Variants in KCNK9 observed in about 807,000 individuals in gnomAD.
KCNK9 encodes potassium channel subfamily K member 9.
A neutral mutation model predicts 10.8 loss-of-function variants in KCNK9; 1 was observed. The ratio of observed to expected loss-of-function variants is 0.09; its 90% CI spans 0.03 to 0.44. The LOEUF (loss-of-function observed/expected upper bound fraction) is 0.44. Ranked by LOEUF, KCNK9 falls within the 20% of genes least tolerant of loss-of-function variation. The pLI, the probability that KCNK9 is intolerant of heterozygous loss-of-function variation, is 0.97. For missense variants in KCNK9, 303 were observed against 515.0 expected, an observed-to-expected ratio of 0.59 and a Z score of 3.98; for synonymous variants, 231 against 222.7, an observed-to-expected ratio of 1.04 and a Z score of -0.33.
chr8:139,663,648 C>CGTGTGTGTGTGTGT (rs34660685), intron 1 of KCNK9, among the ~76,000 whole-genome samples: 5,112 of 137,432 alleles, frequency 0.037, 114 homozygotes, highest in African/African-American at 0.07. Flanking sequence ...CGCGTGCGCA[C>CGTGTGTGTGTGTGT]GTGTGTGTGT....
At chr8:139,657,215 G>C (rs1816044912) in intron 1 of KCNK9, among the ~76,000 whole-genome samples, 1 of 152,194 alleles carries the variant, frequency 6.6e-6, no homozygotes, top group South Asian at 2.1e-4. Flanking sequence ...AAGCATTCTG[G>C]TGCCCCTAAC....
intron 1 of KCNK9, among the ~76,000 whole-genome samples, chr8:139,620,822 A>G (rs769615247): frequency 4.6e-5 from 7 of 152,232 alleles, no homozygotes; most frequent in Admixed American, 6.5e-5. Flanking sequence ...GGGTGGGGAA[A>G]CAGAGAAGCT....
intron 1 of KCNK9, among the ~76,000 whole-genome samples, chr8:139,640,842 G>A (rs1364668873): frequency 2.0e-5 from 3 of 152,212 alleles, no homozygotes; most frequent in East Asian, 3.8e-4. Context: ...CACGTTCTGC[G>A]GTTGCAGACG....
chr8:139,671,690 T>C (rs930204202), intron 1 of KCNK9, among the ~76,000 whole-genome samples: 1 of 151,980 alleles, frequency 6.6e-6, no homozygotes, highest in African/African-American at 2.4e-5. Context: ...GGCTAATTTT[T>C]TTGTATTTTC....
chr8:139,697,003 G>C (rs1271355380), intron 1 of KCNK9, among the ~76,000 whole-genome samples: 2 of 151,518 alleles, frequency 1.3e-5, no homozygotes, highest in East Asian at 3.9e-4. Context: ...ATGGGTGGAT[G>C]GGTGGACGGA....
intron 1 of KCNK9, among the ~76,000 whole-genome samples, chr8:139,684,911 G>A (rs1345793145): frequency 6.7e-6 from 1 of 149,796 alleles, no homozygotes; most frequent in Non-Finnish European, 1.5e-5. Flanking sequence ...GAACTATGGT[G>A]AACTAGACAG....
At chr8:139,701,748 T>TGAAG (rs1190730454) in intron 1 of KCNK9, among the ~76,000 whole-genome samples, 1 of 152,008 alleles carries the variant, frequency 6.6e-6, no homozygotes, top group Non-Finnish European at 1.5e-5. Flanking sequence ...TCCACCCGAA[T>TGAAG]GAAGGTACCT....
intron 1 of KCNK9, among the ~76,000 whole-genome samples, chr8:139,658,277 AC>A (rs1267724352): frequency 6.6e-6 from 1 of 152,144 alleles, no homozygotes; most frequent in East Asian, 1.9e-4. Context: ...AGGGGCAGGG[AC>A]CACCTAGTGG....
chr8:139,614,536 G>A (rs1011056585), downstream of KCNK9, among the ~76,000 whole-genome samples: 3 of 152,204 alleles, frequency 2.0e-5, no homozygotes, highest in Non-Finnish European at 2.9e-5. Context: ...CAGGCAGCTC[G>A]CTGTGCTTAA....
At chr8:139,604,475 C>T (rs767609171) in intron 2 of KCNK9, among the ~76,000 whole-genome samples, 14 of 152,160 alleles carry the variant, frequency 9.2e-5, no homozygotes, top group East Asian at 3.9e-4. Context: ...GGGTGCCACG[C>T]GGGCGCATCT....
intron 1 of KCNK9, among the ~76,000 whole-genome samples, chr8:139,644,785 C>T (rs1348331993): frequency 1.3e-5 from 2 of 151,812 alleles, no homozygotes; most frequent in African/African-American, 4.8e-5. Context: ...GCAGTGCCCA[C>T]TCAGGCACTG....
At chr8:139,632,966 C>T (rs1184014091) in intron 1 of KCNK9, among the ~76,000 whole-genome samples, 1 of 152,148 alleles carries the variant, frequency 6.6e-6, no homozygotes. Flanking sequence ...TATTGTTCAA[C>T]AACATGCGAG....
At chr8:139,622,365 G>GA (rs1814814839) in intron 1 of KCNK9, among the ~76,000 whole-genome samples, 1 of 152,106 alleles carries the variant, frequency 6.6e-6, no homozygotes, top group Admixed American at 6.5e-5. Flanking sequence ...TCCTATTTAG[G>GA]CGTTCCCAGC....
intron 1 of KCNK9, among the ~76,000 whole-genome samples, chr8:139,653,889 C>T (rs1323467826): frequency 6.6e-6 from 1 of 152,202 alleles, no homozygotes; most frequent in Admixed American, 6.5e-5. Flanking sequence ...CCAGGGACCT[C>T]ACCAATTCCA....
intron 1 of KCNK9, among the ~76,000 whole-genome samples, chr8:139,638,372 C>T (rs574064954): frequency 2.0e-4 from 30 of 152,298 alleles, no homozygotes; most frequent in Non-Finnish European, 4.3e-4. Flanking sequence ...GGATCTGGCA[C>T]CCAGCAGGTG....
At position 139,702,065 on chromosome 8, in the gene KCNK9, C is replaced by A. The variant is rs537937438; in HGVS notation, c.283+645G>T. Among the ~76,000 whole-genome samples the A allele has an allele frequency of 3.9e-5, 6 of 152,312 alleles. No homozygotes were observed. In the South Asian group the frequency reaches 1.2e-3, roughly 32 times the overall value. ...GAGAGCAATTGAGGGGCTGCCACCC[C>A]CAACGCAAGCACCAGAGAGCAAACT... On this transcript the variant is annotated intron_variant, in intron 1 of 1. Coordinates refer to ENST00000520439, the MANE Select transcript of KCNK9 (RefSeq NM_001282534.2). This position sits in a 1 kb window ranked among gnomAD's most constrained non-coding sequence, Gnocchi z 7.5.
At chr8:139,635,764 C>T (rs968215715) in intron 1 of KCNK9, among the ~76,000 whole-genome samples, 3 of 152,100 alleles carry the variant, frequency 2.0e-5, no homozygotes, top group Admixed American at 6.5e-5. Context: ...CACAACCCCC[C>T]CACTCAGGAG....
At chr8:139,637,288 G>A (rs1230706317) in intron 1 of KCNK9, among the ~76,000 whole-genome samples, 1 of 152,202 alleles carries the variant, frequency 6.6e-6, no homozygotes, top group Non-Finnish European at 1.5e-5. Flanking sequence ...GAGACCGCAA[G>A]GCATTTAAGG....
chr8:139,664,638 C>A (rs201635892), intron 1 of KCNK9, among the ~76,000 whole-genome samples: 3 of 152,180 alleles, frequency 2.0e-5, no homozygotes, highest in Admixed American at 6.5e-5. Flanking sequence ...GGGCACAGAC[C>A]CCGCCCTCCA....
Sources: gnomAD v4.1 joint callset for allele counts (sites outside exome capture counted in the v4.1 genomes callset) on GRCh38, gnomAD v4.1.1 for gene constraint, Gnocchi (gnomAD v3.1) non-coding constraint, MANE v1.5 for transcripts, NCBI Gene and HGNC (gene_info 2026-07-23, HGNC 2026-07-21) for gene names.